Variants in SFSWAP observed in about 807,000 individuals in gnomAD.
The protein encoded by SFSWAP is splicing factor SWAP, also known as splicing factor, suppressor of white-apricot homolog.
SFSWAP carries 17 observed loss-of-function variants against 100.7 expected under a neutral mutation model. That is an observed-to-expected ratio of 0.17 (90% CI 0.12 to 0.25). The LOEUF is 0.25. SFSWAP is among the 10% of genes least tolerant of loss of function. The probability of loss-of-function intolerance (pLI) is 1.00; values close to 1 mark genes in which losing one functional copy is unlikely to be tolerated. For missense variants in SFSWAP, 1,005 were observed against 1,262.6 expected, an observed-to-expected ratio of 0.80 and a Z score of 3.09; for synonymous variants, 504 against 510.1, an observed-to-expected ratio of 0.99 and a Z score of 0.16.
chr12:131,756,743 T>G, intron 11 of SFSWAP, 99 bp downstream of exon 11: 1 of 1,129,860 alleles, frequency 8.9e-7, no homozygotes, highest in Non-Finnish European at 1.2e-6. Flanking sequence ...ACCTGCAGGC[T>G]GGGGTGGGGT....
In SFSWAP at chr12:131,778,915, C is replaced by T. The variant is rs771807659; in HGVS notation, c.2408+585C>T. 1.3e-4 allele frequency among the ~76,000 whole-genome samples: 19 copies of T among 151,866 alleles called. No individual in the cohort carries two copies. The highest frequency in any genetic ancestry group is 1.8e-4 in the Non-Finnish European group (12 of 67,944). ...CCTGGAAGCAAGCCTACCACATTTG[C>T]CGATTGTGTGAAAGATTCACAGGGT... On this transcript the variant is annotated intron_variant, in intron 14 of 17. Coordinates refer to ENST00000261674, the MANE Select transcript of SFSWAP (RefSeq NM_004592.4). The surrounding 1 kb of genome is among the most constrained non-coding windows in gnomAD (Gnocchi z 4.2).
At chr12:131,755,932 C>T (rs982337765) in intron 10 of SFSWAP, among the ~76,000 whole-genome samples, 18 of 152,242 alleles carry the variant, frequency 1.2e-4, no homozygotes, top group African/African-American at 3.9e-4. Context: ...TCCCCCTCAC[C>T]AGATCCCCAG....
intron 5 of SFSWAP, among the ~76,000 whole-genome samples, chr12:131,726,202 A>G (rs1033423008): frequency 7.4e-5 from 11 of 149,114 alleles, no homozygotes; most frequent in African/African-American, 2.2e-4. Context: ...CTTCCATTGA[A>G]TTTTTTTTTT....
At chr12:131,751,293 T>C (rs1881600690) in intron 7 of SFSWAP, among the ~76,000 whole-genome samples, 1 of 152,258 alleles carries the variant, frequency 6.6e-6, no homozygotes, top group Admixed American at 6.5e-5. Context: ...TTGTTTTGTT[T>C]GTTTTTGTGA....
At chr12:131,751,263 T>G (rs1361739186) in intron 7 of SFSWAP, among the ~76,000 whole-genome samples, 1 of 152,234 alleles carries the variant, frequency 6.6e-6, no homozygotes, top group Non-Finnish European at 1.5e-5. Context: ...TACTACTAGT[T>G]GAAATAATTA....
chr12:131,775,616 C>G (rs1955995665), intron 13 of SFSWAP, among the ~76,000 whole-genome samples: 1 of 152,172 alleles, frequency 6.6e-6, no homozygotes, highest in Non-Finnish European at 1.5e-5. Flanking sequence ...GAGGCCATAG[C>G]TAGGATGTTG....
rs766951392 is a variant in SFSWAP at position 131,788,847 on chromosome 12, G to A, written c.2534+2259G>A. Reference sequence around the variant, plus strand: ...CCAGCCCGTGTCCCTGTCTCAGAGCGGGCGTCCACTTCCTTGCTGTGGCTT... The same window carrying A: ...CCAGCCCGTGTCCCTGTCTCAGAGCAGGCGTCCACTTCCTTGCTGTGGCTT... On this transcript the variant is annotated intron_variant, in intron 15 of 17. Coordinates refer to ENST00000261674, the MANE Select transcript of SFSWAP (RefSeq NM_004592.4). 2.1e-4 allele frequency among the ~76,000 whole-genome samples: 32 copies of A among 152,102 alleles called. No homozygotes were observed. In the South Asian group the frequency reaches 2.5e-3, roughly 12 times the overall value.
At chr12:131,774,944 T>C (rs1458260435) in intron 13 of SFSWAP, among the ~76,000 whole-genome samples, 1 of 152,072 alleles carries the variant, frequency 6.6e-6, no homozygotes, top group East Asian at 1.9e-4. Flanking sequence ...GTTTGGAGGC[T>C]CAAATCATTA....
intron 4 of SFSWAP, among the ~76,000 whole-genome samples, chr12:131,722,548 T>C (rs959319173): frequency 6.6e-6 from 1 of 152,192 alleles, no homozygotes; most frequent in African/African-American, 2.4e-5. Flanking sequence ...GCAACGCTTA[T>C]TCTGTTGATG....
chr12:131,798,991 C>G (rs761992584), intron 16 of SFSWAP, 46 bp from the exon 17 acceptor site: 3 of 1,470,236 alleles, frequency 2.0e-6, no homozygotes, highest in East Asian at 4.5e-5. Context: ...CTTGGCTCAG[C>G]ATCTTCACAC....
In SFSWAP at chr12:131,749,976, C is replaced by T. The variant is rs7973307; in HGVS notation, c.1082-3147C>T. ...GATAAGCTGAATAGGGGCCTCATGG[C>T]AGGCAGAGACCCTGTGAGGCCGTGC... On this transcript the variant is annotated intron_variant, in intron 7 of 17. Coordinates refer to ENST00000261674, the MANE Select transcript of SFSWAP (RefSeq NM_004592.4). 2.8e-3 allele frequency among the ~76,000 whole-genome samples: 433 copies of T among 152,324 alleles called. 2 individuals carry two copies. The highest frequency in any genetic ancestry group is 9.6e-3 in the African/African-American group (399 of 41,578).
At chr12:131,718,601 A>C (rs1057421456) in intron 3 of SFSWAP, among the ~76,000 whole-genome samples, 4 of 152,232 alleles carry the variant, frequency 2.6e-5, no homozygotes, top group African/African-American at 7.2e-5. Context: ...TGAAAGAGGT[A>C]GTTTGCTTGG....
At chr12:131,735,277 G>A (rs998277940) in intron 7 of SFSWAP, among the ~76,000 whole-genome samples, 119 of 152,348 alleles carry the variant, frequency 7.8e-4, no homozygotes, top group African/African-American at 2.6e-3. Context: ...GCTTTCTGAC[G>A]AACAGCCTTT....
intron 5 of SFSWAP, among the ~76,000 whole-genome samples, chr12:131,726,139 T>C (rs1186831783): frequency 6.6e-6 from 1 of 152,044 alleles, no homozygotes; most frequent in Non-Finnish European, 1.5e-5. Flanking sequence ...ATAAAGATGG[T>C]ATTTTGACAA....
rs1376860101 is a variant in SFSWAP at position 131,794,570 on chromosome 12, A to G, written c.2535-2608A>G. 6.6e-6 allele frequency among the ~76,000 whole-genome samples: 1 copy of G among 152,120 alleles called. No homozygotes were observed. The highest frequency in any genetic ancestry group is 1.5e-5 in the Non-Finnish European group (1 of 68,026). ...GAAAACCAAGAAGCCAAACCAACAA[A>G]CAAACACAGACATAGCGTGGGGTTT... On this transcript the variant is annotated intron_variant, in intron 15 of 17. Coordinates refer to ENST00000261674, the MANE Select transcript of SFSWAP (RefSeq NM_004592.4). This position sits in a 1 kb window ranked among gnomAD's most constrained non-coding sequence, Gnocchi z 4.8.
At chr12:131,750,726 C>T (rs1881543225) in intron 7 of SFSWAP, among the ~76,000 whole-genome samples, 1 of 152,194 alleles carries the variant, frequency 6.6e-6, no homozygotes. Context: ...GGGCTCACTC[C>T]ATCACCCAAG....
intron 3 of SFSWAP, among the ~76,000 whole-genome samples, chr12:131,716,232 C>T (rs554253727): frequency 6.6e-6 from 1 of 152,310 alleles, no homozygotes; most frequent in African/African-American, 2.4e-5. Flanking sequence ...TACTGTTGCA[C>T]AGCTCTATTT....
intron 15 of SFSWAP, among the ~76,000 whole-genome samples, chr12:131,793,147 T>C (rs1050953765): frequency 6.6e-6 from 1 of 151,844 alleles, no homozygotes; most frequent in Non-Finnish European, 1.5e-5. Context: ...AGTGCAGCAG[T>C]GGTGTGATCT....
In SFSWAP at chr12:131,733,669, C is replaced by T. The variant is rs749449089; in HGVS notation, c.1081+5241C>T. On this transcript the variant is annotated intron_variant, in intron 7 of 17. Coordinates refer to ENST00000261674, the MANE Select transcript of SFSWAP (RefSeq NM_004592.4). The surrounding 1 kb of genome is among the most constrained non-coding windows in gnomAD (Gnocchi z 5.1). ...GCCTGTCACAGCATCTGTGACAGCCCGGAAGGAAACAGCAGTCCATACAGT... is the reference window on the plus strand; with the variant it reads ...GCCTGTCACAGCATCTGTGACAGCCTGGAAGGAAACAGCAGTCCATACAGT... Among the ~76,000 whole-genome samples, 12 of 151,856 alleles carry T rather than the reference C, an allele frequency of 7.9e-5. No homozygotes were observed. Among genetic ancestry groups the T allele is most frequent in the African/African-American group, 1.9e-4 (8 of 41,336 alleles).
Sources: gnomAD v4.1 joint callset for allele counts (sites outside exome capture counted in the v4.1 genomes callset) on GRCh38, gnomAD v4.1.1 for gene constraint, Gnocchi (gnomAD v3.1) non-coding constraint, MANE v1.5 for transcripts, NCBI Gene and HGNC (gene_info 2026-07-23, HGNC 2026-07-21) for gene names.